The following SYN3 variants were observed in gnomAD, a reference collection of about 807,000 sequenced individuals.
SYN3 encodes synapsin-3.
SYN3 carries 35 observed loss-of-function variants against 65.8 expected under a neutral mutation model. That is an observed-to-expected ratio of 0.53 (90% CI 0.41 to 0.70). SYN3 has a LOEUF of 0.70. Ranked by LOEUF, SYN3 falls within the 30% of genes least tolerant of loss-of-function variation. SYN3 has a pLI of 0.00. For missense variants in SYN3, 680 were observed against 749.0 expected (o/e 0.91, Z 1.08); for synonymous variants, 270 against 292.9 (o/e 0.92, Z 0.80).
At chr22:32,514,052 G>T (rs1418977834) in intron 13 of SYN3, among the ~76,000 whole-genome samples, 1 of 152,168 alleles carries the variant, frequency 6.6e-6, no homozygotes, top group East Asian at 1.9e-4. Flanking sequence ...GGTTCACAGA[G>T]TCAAGTAACT....
At chr22:32,541,370 G>T (rs2058251115) in intron 8 of SYN3, among the ~76,000 whole-genome samples, 1 of 152,210 alleles carries the variant, frequency 6.6e-6, no homozygotes, top group Non-Finnish European at 1.5e-5. Flanking sequence ...AACAGCCCTT[G>T]CTTGGGTAGA....
chr22:32,764,549 G>T (rs1027693223), intron 6 of SYN3, among the ~76,000 whole-genome samples: 1 of 152,158 alleles, frequency 6.6e-6, no homozygotes, highest in Non-Finnish European at 1.5e-5. Context: ...CAGCCTCGTG[G>T]CCTGGAAGAA....
At chr22:32,526,119 A>G (rs2057972713) in intron 12 of SYN3, among the ~76,000 whole-genome samples, 1 of 152,198 alleles carries the variant, frequency 6.6e-6, no homozygotes, top group African/African-American at 2.4e-5. Flanking sequence ...TTTCAGACAT[A>G]ATGCTATTGT....
At chr22:32,969,783 C>T (rs78446153) in intron 3 of SYN3, among the ~76,000 whole-genome samples, 2,453 of 152,324 alleles carry the variant, frequency 0.016, 61 homozygotes, top group African/African-American at 0.054. Flanking sequence ...AACTCACTCA[C>T]GCATTCACTC....
At chr22:32,813,809 A>AT (rs2046981577) in intron 6 of SYN3, among the ~76,000 whole-genome samples, 1 of 151,986 alleles carries the variant, frequency 6.6e-6, no homozygotes, top group Non-Finnish European at 1.5e-5. Flanking sequence ...CCCTGGTCTC[A>AT]TTTTTCCTAT....
chr22:32,756,564 T>C (rs112491458), intron 6 of SYN3, among the ~76,000 whole-genome samples: 5 of 152,312 alleles, frequency 3.3e-5, no homozygotes, highest in African/African-American at 1.2e-4. Flanking sequence ...GTAATCCCAG[T>C]GTTAGAGGTG....
At chr22:33,037,357 C>T (rs1221965116) in intron 1 of SYN3, among the ~76,000 whole-genome samples, 1 of 152,186 alleles carries the variant, frequency 6.6e-6, no homozygotes, top group Non-Finnish European at 1.5e-5. Context: ...CACTGGGCTT[C>T]TTTCCTCATT....
intron 6 of SYN3, among the ~76,000 whole-genome samples, chr22:32,709,819 G>T (rs2060931378): frequency 6.6e-6 from 1 of 151,886 alleles, no homozygotes; most frequent in South Asian, 2.1e-4. Context: ...TCATGGAGAA[G>T]TTCCCTATCA....
chr22:32,684,980 T>G (rs1412014120), intron 6 of SYN3, among the ~76,000 whole-genome samples: 1 of 152,204 alleles, frequency 6.6e-6, no homozygotes, highest in Admixed American at 6.5e-5. Context: ...ATGGGCCAAA[T>G]ATGGTCCACT....
intron 3 of SYN3, among the ~76,000 whole-genome samples, chr22:32,976,701 CT>C (rs930772429): frequency 1.3e-5 from 2 of 152,176 alleles, no homozygotes; most frequent in African/African-American, 4.8e-5. Context: ...GCAAAATGTG[CT>C]GTCTCCTCCA....
chr22:32,559,832 C>CA (rs35916830), intron 7 of SYN3, among the ~76,000 whole-genome samples: 36,704 of 95,936 alleles, frequency 0.38, 4,794 homozygotes, highest in Middle Eastern at 0.45. Context: ...TCCGTCTCAA[C>CA]AAAAAAAAAA....
chr22:32,943,532 G>A (rs1392660599), intron 3 of SYN3, among the ~76,000 whole-genome samples: 4 of 152,126 alleles, frequency 2.6e-5, no homozygotes, highest in African/African-American at 9.7e-5. Flanking sequence ...GGAAGAAACT[G>A]GATCAACTAA....
Position 32,980,677 on chromosome 22 carries a change from C to T in SYN3, c.337G>A (p.Val113Met), listed in dbSNP as rs1180370278. 1 of 1,614,040 alleles carries T rather than the reference C, an allele frequency of 6.2e-7. No individual in the cohort carries two copies. Among genetic ancestry groups the T allele is most frequent in the Admixed American group, 1.7e-5 (1 of 60,022 alleles). Residue 113 changes from valine to methionine, a missense_variant, in exon 3 of 14, where the codon GTG becomes ATG. Transcript: ENST00000358763. ...ACTCGGATCTCAATCTCTCCATTCA[C>T]CTTCTTCCCATGGAAATACTTCGAC... The part of the protein sequence containing the change: ...DWSKYFHGKK[V>M]NGEIEIRVEQ...
At chr22:33,023,072 A>G (rs1015144923) in intron 1 of SYN3, among the ~76,000 whole-genome samples, 3 of 152,210 alleles carry the variant, frequency 2.0e-5, no homozygotes, top group Non-Finnish European at 2.9e-5. Flanking sequence ...CTAAGTGGCC[A>G]GGCATGGTGG....
intron 6 of SYN3, among the ~76,000 whole-genome samples, chr22:32,728,797 A>G (rs978763097): frequency 1.3e-5 from 2 of 152,204 alleles, no homozygotes; most frequent in Admixed American, 1.3e-4. Context: ...GAGGAGTTGA[A>G]GTATTTATCC....
rs538936527 is a variant in SYN3 at position 32,825,607 on chromosome 22, G to A, written c.711+39308C>T. The stretch of plus-strand genomic sequence containing the variant: ...CGCAAGGCAGAGGTTGCAGTGAGCC[G>A]AGATCATGCCACTGCACTCCAGCCT... On this transcript the variant is annotated intron_variant, in intron 6 of 13. Transcript: ENST00000358763. 2.6e-3 allele frequency among the ~76,000 whole-genome samples: 331 copies of A among 126,564 alleles called. 1 individual carries two copies. The highest frequency in any genetic ancestry group is 5.5e-3 in the Middle Eastern group (1 of 182). The allele number at this position is 126,564 out of a possible 152,430, so 83.0% of individuals were successfully genotyped here. A position where few individuals can be genotyped will look rare whatever the true frequency, so the allele number is the denominator to read the frequency against.
intron 6 of SYN3, among the ~76,000 whole-genome samples, chr22:32,851,997 G>A (rs1463247576): frequency 6.6e-6 from 1 of 152,118 alleles, no homozygotes; most frequent in African/African-American, 2.4e-5. Flanking sequence ...ATGAACTGGG[G>A]ATACAAAGAT....
intron 6 of SYN3, chr22:32,857,196 T>C (rs2146285403): frequency 1.5e-5 from 21 of 1,367,166 alleles, no homozygotes; most frequent in East Asian, 2.3e-5. Context: ...TTAGGGATCA[T>C]ACGGGTGTCC....
chr22:32,930,140 T>C (rs977647696), intron 4 of SYN3, among the ~76,000 whole-genome samples: 2 of 152,194 alleles, frequency 1.3e-5, no homozygotes, highest in Admixed American at 6.5e-5. Context: ...CCAAATGATA[T>C]GGTTTGGCTG....
Sources: gnomAD v4.1 joint callset for allele counts (sites outside exome capture counted in the v4.1 genomes callset) on GRCh38, gnomAD v4.1.1 for gene constraint, MANE v1.5 for transcripts, NCBI Gene and HGNC (gene_info 2026-07-23, HGNC 2026-07-21) for gene names.